The following IPMK variants were observed in gnomAD, a reference collection of about 807,000 sequenced individuals.
IPMK encodes the protein inositol 1,3,4,6-tetrakisphosphate 5-kinase.
In IPMK, 17 loss-of-function variants were observed where a neutral mutation model predicts 45.8. The ratio of observed to expected loss-of-function variants is 0.37; its 90% CI spans 0.25 to 0.56. The LOEUF (loss-of-function observed/expected upper bound fraction) is 0.56. IPMK is among the 20% of genes least tolerant of loss of function. The pLI is 0.79. For missense variants in IPMK, 399 were observed against 498.0 expected (o/e 0.80, Z 1.89); for synonymous variants, 180 against 184.3 (o/e 0.98, Z 0.19).
intron 4 of IPMK, among the ~76,000 whole-genome samples, chr10:58,205,752 C>T (rs571792217): frequency 6.6e-5 from 10 of 152,192 alleles, no homozygotes; most frequent in South Asian, 2.1e-4. Flanking sequence ...GTGATGAGTA[C>T]GCTAAAATCT....
intron 1 of IPMK, among the ~76,000 whole-genome samples, chr10:58,238,157 A>T (rs555616831): frequency 6.6e-6 from 1 of 152,374 alleles, no homozygotes; most frequent in East Asian, 1.9e-4. Context: ...ATAAGAAGCA[A>T]GTTAAAAGCA....
At chr10:58,241,382 A>G (rs896638402) in intron 1 of IPMK, among the ~76,000 whole-genome samples, 1 of 152,156 alleles carries the variant, frequency 6.6e-6, no homozygotes, top group East Asian at 1.9e-4. Flanking sequence ...ACATAGAGAA[A>G]ACCACCTCTG....
At position 58,253,630 on chromosome 10, in the gene IPMK, C is replaced by T. The variant is rs190346116; in HGVS notation, c.190+13792G>A. On this transcript the variant is annotated intron_variant, in intron 1 of 5. Coordinates refer to ENST00000373935, the MANE Select transcript of IPMK (RefSeq NM_152230.5). ...GCATGCACTTGTAGTCCCAGCTACTCGGGAGGCTGAGGCGGGAGAATGCTT... is the reference window on the plus strand; with the variant it reads ...GCATGCACTTGTAGTCCCAGCTACTTGGGAGGCTGAGGCGGGAGAATGCTT... Among the ~76,000 whole-genome samples, 841 of 149,962 alleles carry T rather than the reference C, an allele frequency of 5.6e-3. 6 individuals carry two copies. Among genetic ancestry groups the T allele is most frequent in the Non-Finnish European group, 9.2e-3 (624 of 67,648 alleles).
rs189813679 is a variant in IPMK at position 58,193,004 on chromosome 10, C to T, written c.*3072G>A. The T allele has an allele frequency of 2.6e-4, 39 of 152,042 alleles. No individual in the cohort carries two copies. Among genetic ancestry groups the T allele is most frequent in the African/African-American group, 9.1e-4 (38 of 41,554 alleles). 9.4% of individuals were successfully genotyped at this position (152,042 alleles called of 1,614,324 possible). ...ACTAAGAGAAAATGTACTAAAATGA[C>T]AATGCTTTACCATAGTGGACACAAT... is the stretch of plus-strand genomic sequence containing the variant. On this transcript the variant is annotated 3_prime_UTR_variant, in exon 6 of 6. Coordinates refer to ENST00000373935, the MANE Select transcript of IPMK (RefSeq NM_152230.5).
intron 1 of IPMK, among the ~76,000 whole-genome samples, chr10:58,261,170 T>C (rs1839060576): frequency 6.7e-6 from 1 of 149,332 alleles, no homozygotes; most frequent in African/African-American, 2.5e-5. Context: ...GGATATAGTC[T>C]TAACTCTTAA....
intron 2 of IPMK, among the ~76,000 whole-genome samples, chr10:58,233,636 A>C (rs1156893801): frequency 6.6e-6 from 1 of 152,094 alleles, no homozygotes; most frequent in Non-Finnish European, 1.5e-5. Context: ...CATTAAAAAA[A>C]CTCAATAAAC....
intron 4 of IPMK, among the ~76,000 whole-genome samples, chr10:58,207,716 T>C (rs1211603541): frequency 6.6e-6 from 1 of 152,110 alleles, no homozygotes; most frequent in East Asian, 1.9e-4. Flanking sequence ...GGAGCTCCAG[T>C]GTTAGGTGCA....
chr10:58,225,257 T>A (rs1360727389), intron 3 of IPMK, among the ~76,000 whole-genome samples: 4 of 152,172 alleles, frequency 2.6e-5, no homozygotes, highest in Non-Finnish European at 5.9e-5. Context: ...ATAACATGCA[T>A]CTTTACAACT....
Position 58,223,479 on chromosome 10 carries a change from C to T in IPMK, c.373+3564G>A, listed in dbSNP as rs115385117. 5.3e-3 allele frequency among the ~76,000 whole-genome samples: 814 copies of T among 152,178 alleles called. 4 individuals are homozygous for T. Among genetic ancestry groups the T allele is most frequent in the African/African-American group, 0.018 (752 of 41,508 alleles). ...ATTGAAAGAATACTTATTTACAGCC[C>T]CTTAATCAATATTGTTGATTTCATA... On this transcript the variant is annotated intron_variant, in intron 3 of 5. Transcript: ENST00000373935.
chr10:58,243,849 A>C (rs1372764250), intron 1 of IPMK, among the ~76,000 whole-genome samples: 5 of 141,742 alleles, frequency 3.5e-5, no homozygotes, highest in African/African-American at 5.4e-5. Context: ...ATGTGAGGAG[A>C]CCCTCTGCCC....
chr10:58,214,615 C>T (rs1255041487), intron 4 of IPMK, among the ~76,000 whole-genome samples: 1 of 152,062 alleles, frequency 6.6e-6, no homozygotes, highest in South Asian at 2.1e-4. Context: ...ATATCAAATT[C>T]AATTTTGCTA....
At chr10:58,259,505 T>G (rs572580898) in intron 1 of IPMK, among the ~76,000 whole-genome samples, 2 of 152,048 alleles carry the variant, frequency 1.3e-5, no homozygotes, top group Non-Finnish European at 2.9e-5. Flanking sequence ...GAGGGAAATC[T>G]ATTCCTTAAC....
At position 58,194,899 on chromosome 10, in the gene IPMK, T is replaced by C. The variant is rs183605875; in HGVS notation, c.*1177A>G. On this transcript the variant is annotated 3_prime_UTR_variant, in exon 6 of 6. Transcript: ENST00000373935. ...TGAAACAAAGATAATACAAATCTAATTTTTCCAGGAACTGTAGCACTGCCC... is the reference window on the plus strand; with the variant it reads ...TGAAACAAAGATAATACAAATCTAACTTTTCCAGGAACTGTAGCACTGCCC... 2 of 151,982 alleles carry C rather than the reference T, an allele frequency of 1.3e-5. No individual in the cohort carries two copies. Among genetic ancestry groups the C allele is most frequent in the Admixed American group, 1.3e-4 (2 of 15,266 alleles). 9.4% of individuals were successfully genotyped at this position (151,982 alleles called of 1,614,324 possible). A position where few individuals can be genotyped will look rare whatever the true frequency, so the allele number is the denominator to read the frequency against.
At chr10:58,203,571 C>T (rs1311387680) in intron 4 of IPMK, among the ~76,000 whole-genome samples, 1 of 152,234 alleles carries the variant, frequency 6.6e-6, no homozygotes, top group East Asian at 1.9e-4. Flanking sequence ...CCGCCTCAGC[C>T]TCCCAAAGTG....
chr10:58,224,385 T>C (rs1838382315), intron 3 of IPMK, among the ~76,000 whole-genome samples: 1 of 152,232 alleles, frequency 6.6e-6, no homozygotes, highest in Non-Finnish European at 1.5e-5. Context: ...AAAAGATATT[T>C]ACTATATATA....
At chr10:58,218,978 C>T (rs1327095612) in intron 3 of IPMK, among the ~76,000 whole-genome samples, 1 of 152,112 alleles carries the variant, frequency 6.6e-6, no homozygotes, top group Non-Finnish European at 1.5e-5. Flanking sequence ...ATTGAGGCAC[C>T]CCTTCAGTAA....
At chr10:58,200,438 A>G (rs1488935237) in intron 4 of IPMK, among the ~76,000 whole-genome samples, 1 of 152,092 alleles carries the variant, frequency 6.6e-6, no homozygotes, top group Non-Finnish European at 1.5e-5. Context: ...TTTTTTAACC[A>G]TAAGCCAACT....
intron 1 of IPMK, among the ~76,000 whole-genome samples, chr10:58,264,813 CATGAT>C (rs1288765278): frequency 6.6e-6 from 1 of 151,984 alleles, no homozygotes. Context: ...AGGTATAATA[CATGAT>C]ATAATACAGA....
At chr10:58,231,659 C>G (rs1028193095) in intron 2 of IPMK, among the ~76,000 whole-genome samples, 6 of 152,172 alleles carry the variant, frequency 3.9e-5, no homozygotes, top group African/African-American at 1.4e-4. Flanking sequence ...GCCTGCCTTA[C>G]AAGAGCTCCT....
Sources: gnomAD v4.1 joint callset for allele counts (sites outside exome capture counted in the v4.1 genomes callset) on GRCh38, gnomAD v4.1.1 for gene constraint, MANE v1.5 for transcripts, NCBI Gene and HGNC (gene_info 2026-07-23, HGNC 2026-07-21) for gene names.